Variants in DMD observed in about 807,000 individuals in gnomAD.
DMD encodes mutant dystrophin.
Under a neutral mutation model 330.1 loss-of-function variants are expected in DMD, and 63 were observed. The ratio of observed to expected loss-of-function variants is 0.19; its 90% CI spans 0.16 to 0.24. The LOEUF is 0.24. Ranked by LOEUF, DMD falls within the 10% of genes least tolerant of loss-of-function variation. The pLI is 1.00. For missense variants in DMD, 3,344 were observed against 2,684.1 expected, an observed-to-expected ratio of 1.25 and a Z score of -5.43; for synonymous variants, 1,223 against 959.8, an observed-to-expected ratio of 1.27 and a Z score of -5.07.
At chrX:33,276,459 T>C (rs1278456452) in intron 1 of DMD, among the ~76,000 whole-genome samples, 2 of 111,429 alleles carry the variant, frequency 1.8e-5, no homozygotes, top group African/African-American at 3.3e-5. Context: ...CTGGTTTGTT[T>C]CTAACTTGTT....
At chrX:32,885,841 A>AC (rs2084498199) in intron 2 of DMD, among the ~76,000 whole-genome samples, 1 of 108,641 alleles carries the variant, frequency 9.2e-6, no homozygotes, top group Non-Finnish European at 1.9e-5. Context: ...AAAAAAAAAA[A>AC]AAAAAAAACC....
At chrX:33,288,688 G>A (rs1321383871) in intron 1 of DMD, among the ~76,000 whole-genome samples, 1 of 111,289 alleles carries the variant, frequency 9.0e-6, no homozygotes, top group African/African-American at 3.3e-5. Flanking sequence ...CTAATTCTTC[G>A]AAGCTTAAGA....
At chrX:31,377,167 C>T (rs1009049743) in intron 60 of DMD, among the ~76,000 whole-genome samples, 6 of 111,514 alleles carry the variant, frequency 5.4e-5, no homozygotes, top group African/African-American at 1.3e-4. Context: ...GAGAGTAGAG[C>T]GGGAGGTGGC....
intron 55 of DMD, among the ~76,000 whole-genome samples, chrX:31,623,634 A>C: frequency 8.9e-6 from 1 of 111,918 alleles, no homozygotes. Context: ...AACTTTATGA[A>C]ACTTGTCTCT....
chrX:32,597,036 G>T (rs367873658), intron 12 of DMD, among the ~76,000 whole-genome samples: 1 of 111,297 alleles, frequency 9.0e-6, no homozygotes, highest in Non-Finnish European at 1.9e-5. Context: ...TACCATTCTC[G>T]CCCTCACAGT....
intron 44 of DMD, among the ~76,000 whole-genome samples, chrX:32,061,969 G>A (rs1023753589): frequency 9.0e-6 from 1 of 111,138 alleles, no homozygotes; most frequent in Non-Finnish European, 1.9e-5. Flanking sequence ...TGTGGGAGAT[G>A]CTTCACTATT....
intron 44 of DMD, among the ~76,000 whole-genome samples, chrX:32,198,650 T>A (rs753581310): frequency 9.0e-6 from 1 of 111,727 alleles, no homozygotes; most frequent in Non-Finnish European, 1.9e-5. Flanking sequence ...TTTGAACCAG[T>A]TTTGTCTTCC....
intron 41 of DMD, among the ~76,000 whole-genome samples, chrX:32,332,824 G>T: frequency 1.8e-5 from 2 of 109,612 alleles, no homozygotes; most frequent in Admixed American, 1.9e-4. Context: ...ATAGGCTAAA[G>T]AAAGCATGCG....
chrX:33,275,821 T>C (rs182400565), intron 1 of DMD, among the ~76,000 whole-genome samples: 65 of 111,943 alleles, frequency 5.8e-4, no homozygotes, highest in African/African-American at 2.0e-3. Flanking sequence ...CATTTGCCCA[T>C]GGGAAAGCAT....
chrX:32,400,719 T>C (rs202084611), intron 30 of DMD, among the ~76,000 whole-genome samples: 2,862 of 108,707 alleles, frequency 0.026, 103 homozygotes, highest in African/African-American at 0.08. Context: ...AGGAACACTT[T>C]TACACTGTTG....
intron 1 of DMD, among the ~76,000 whole-genome samples, chrX:33,256,219 A>C (rs1372607695): frequency 1.8e-5 from 2 of 111,375 alleles, no homozygotes; most frequent in Non-Finnish European, 3.8e-5. Flanking sequence ...ATAAAGCCAC[A>C]AATTTCTTGC....
chrX:31,790,838 G>A (rs6631403), intron 50 of DMD, among the ~76,000 whole-genome samples: 13,479 of 110,852 alleles, frequency 0.12, 571 homozygotes, highest in East Asian at 0.19. Flanking sequence ...AAAATGTTAC[G>A]TCTCTATATA....
intron 9 of DMD, among the ~76,000 whole-genome samples, chrX:32,674,913 T>A (rs866330437): frequency 9.1e-6 from 1 of 109,888 alleles, no homozygotes; most frequent in African/African-American, 3.4e-5. Context: ...GTATCTTGAG[T>A]ACATTTGAAA....
chrX:31,852,497 T>A (rs1167872150), intron 48 of DMD, among the ~76,000 whole-genome samples: 1 of 111,210 alleles, frequency 9.0e-6, no homozygotes, highest in East Asian at 2.8e-4. Flanking sequence ...GGCTCTTGAG[T>A]CTGGTTATCT....
intron 41 of DMD, among the ~76,000 whole-genome samples, chrX:32,338,080 T>C (rs904557108): frequency 8.1e-5 from 9 of 111,645 alleles, no homozygotes; most frequent in African/African-American, 2.9e-4. Flanking sequence ...ATGTTTTACC[T>C]GGTATTTGAA....
chrX:31,245,307 T>A (rs2048724822), intron 63 of DMD, among the ~76,000 whole-genome samples: 3 of 111,926 alleles, frequency 2.7e-5, no homozygotes, highest in Non-Finnish European at 5.6e-5. Context: ...TAGAAAACCC[T>A]CATCTGTATC....
At chrX:32,494,090 T>C (rs930527639) in intron 19 of DMD, among the ~76,000 whole-genome samples, 10 of 111,655 alleles carry the variant, frequency 9.0e-5, no homozygotes, top group African/African-American at 2.9e-4. Context: ...GATATGTTAA[T>C]TTTGTTAAAT....
At chrX:32,137,278 G>T (rs1276093619) in intron 44 of DMD, among the ~76,000 whole-genome samples, 1 of 111,597 alleles carries the variant, frequency 9.0e-6, no homozygotes, top group Non-Finnish European at 1.9e-5. Context: ...AAAAAGTTGT[G>T]CTAGGAGACA....
At chrX:31,951,136 T>C (rs866080770) in intron 45 of DMD, among the ~76,000 whole-genome samples, 3 of 78,785 alleles carry the variant, frequency 3.8e-5, no homozygotes, top group Admixed American at 1.4e-4. Flanking sequence ...TATATATATA[T>C]ATATGTGTAT....
Sources: gnomAD v4.1 joint callset for allele counts (sites outside exome capture counted in the v4.1 genomes callset) on GRCh38, gnomAD v4.1.1 for gene constraint, MANE v1.5 for transcripts, NCBI Gene and HGNC (gene_info 2026-07-23, HGNC 2026-07-21) for gene names.